The following OLA1 variants were observed in gnomAD, a reference collection of about 807,000 sequenced individuals.
OLA1 encodes obg-like ATPase 1.
A neutral mutation model predicts 48.4 loss-of-function variants in OLA1; 14 were observed. The observed-to-expected ratio is 0.29, with a 90% CI of 0.19 to 0.45. OLA1 has a LOEUF of 0.45. Ranked by LOEUF, OLA1 falls within the 20% of genes least tolerant of loss-of-function variation. OLA1 has a pLI of 1.00. For synonymous variants in OLA1, 127 were observed against 150.4 expected (o/e 0.84, Z 1.14); for missense variants, 325 against 467.1 (o/e 0.70, Z 2.80).
chr2:174,139,880 AGAAAG>A (rs769181697), intron 5 of OLA1, among the ~76,000 whole-genome samples: 4 of 134,468 alleles, frequency 3.0e-5, no homozygotes, highest in Admixed American at 1.6e-4. Flanking sequence ...AAAAAAAAAA[AGAAAG>A]AAAGAAAGAA....
intron 4 of OLA1, among the ~76,000 whole-genome samples, chr2:174,147,185 G>A (rs1311218852): frequency 6.6e-6 from 1 of 152,136 alleles, no homozygotes; most frequent in Non-Finnish European, 1.5e-5. Flanking sequence ...CCAGCACTTT[G>A]GGAGGCCGAG....
chr2:174,242,294 A>T (rs2083405), intron 2 of OLA1, among the ~76,000 whole-genome samples: 12,490 of 152,188 alleles, frequency 0.082, 1,670 homozygotes, highest in African/African-American at 0.28. Context: ...TTCGATTCTC[A>T]TAAGGAGCGT....
chr2:174,223,765 CAAAA>C (rs71021680), intron 3 of OLA1, among the ~76,000 whole-genome samples: 6,312 of 73,222 alleles, frequency 0.086, 50 homozygotes, highest in Middle Eastern at 0.17. Context: ...GTTATATAGA[CAAAA>C]AAAAAAAAAA....
intron 4 of OLA1, among the ~76,000 whole-genome samples, chr2:174,160,002 T>C (rs887841838): frequency 6.6e-6 from 1 of 152,120 alleles, no homozygotes; most frequent in Admixed American, 6.5e-5. Context: ...CTAACAAGTT[T>C]TACTTCATAG....
At chr2:174,188,747 A>G (rs910128826) in intron 4 of OLA1, among the ~76,000 whole-genome samples, 12 of 152,194 alleles carry the variant, frequency 7.9e-5, no homozygotes, top group African/African-American at 2.9e-4. Flanking sequence ...CTTTTGTTTC[A>G]TGCACAAAAT....
At chr2:174,156,268 CT>C (rs1424710749) in intron 4 of OLA1, among the ~76,000 whole-genome samples, 1 of 152,156 alleles carries the variant, frequency 6.6e-6, no homozygotes, top group African/African-American at 2.4e-5. Context: ...ATGGCACCCC[CT>C]GGCCTCTATA....
In OLA1 at chr2:174,202,385, G is replaced by A. The variant is rs188484460; in HGVS notation, c.373+20648C>T. On this transcript the variant is annotated intron_variant, in intron 4 of 10. Transcript: ENST00000284719. ...ATGAGCTTGAGTGTTGCGAGTATCCGCTTAAGACACTGTGAGACATTAATC... is the reference window on the plus strand; with the variant it reads ...ATGAGCTTGAGTGTTGCGAGTATCCACTTAAGACACTGTGAGACATTAATC... 5.3e-5 allele frequency among the ~76,000 whole-genome samples: 8 copies of A among 152,266 alleles called. No homozygotes were observed. The East Asian group carries it at 1.3e-3, about 26-fold the overall frequency.
rs750867648 is a variant in OLA1 at position 174,123,272 on chromosome 2, T to C, written c.636A>G (p.Glu212=). The part of the protein sequence containing the change: ...FYHDWNDKEI[E]VLNKHLFLTS... ...TCAAAAATAAGTGTTTATTCAACAC[T>C]TCAATCTAAAGTGGGAGATGGAGAA... The change falls in exon 7 of 11, where the codon GAA becomes GAG. Residue 212 remains glutamate, a synonymous_variant. Transcript: ENST00000284719. 3.4e-6 allele frequency: 5 copies of C among 1,486,548 alleles called. No individual in the cohort carries two copies. The highest frequency in any genetic ancestry group is 4.6e-6 in the Non-Finnish European group (5 of 1,081,530). 92.1% of individuals were successfully genotyped at this position (1,486,548 alleles called of 1,614,324 possible).
intron 2 of OLA1, among the ~76,000 whole-genome samples, chr2:174,239,008 T>C (rs1010885742): frequency 1.3e-5 from 2 of 152,194 alleles, no homozygotes; most frequent in Non-Finnish European, 2.9e-5. Context: ...TCTATACTGA[T>C]ATAAATAAAT....
intron 5 of OLA1, chr2:174,124,234 A>T (rs994951556): frequency 8.8e-5 from 2 of 22,852 alleles, no homozygotes; most frequent in South Asian, 3.2e-3. Flanking sequence ...CAACTCCCCC[A>T]CCCCCCGAAC....
At chr2:174,096,470 T>G (rs1463087476) in intron 7 of OLA1, among the ~76,000 whole-genome samples, 1 of 152,208 alleles carries the variant, frequency 6.6e-6, no homozygotes, top group African/African-American at 2.4e-5. Flanking sequence ...AGAGCTAATC[T>G]AAAGATTACA....
chr2:174,121,526 C>A (rs888668949), intron 7 of OLA1, among the ~76,000 whole-genome samples: 2 of 152,072 alleles, frequency 1.3e-5, no homozygotes, highest in Non-Finnish European at 1.5e-5. Context: ...AACCCTCCCC[C>A]CAAGACATAC....
chr2:174,123,909 C>A lies in OLA1; in HGVS notation c.550-234G>T, dbSNP rs144040940. On this transcript the variant is annotated intron_variant, in intron 5 of 10. Coordinates refer to ENST00000284719, the MANE Select transcript of OLA1 (RefSeq NM_013341.5). ...CAATATTAGCAAAAATTAGTAACAG[C>A]CTGAAAAATGTCAAGACAATTCAAT... 3.5e-3 allele frequency among the ~76,000 whole-genome samples: 533 copies of A among 152,028 alleles called. 4 individuals carry two copies. Among genetic ancestry groups the A allele is most frequent in the African/African-American group, 0.012 (497 of 41,488 alleles).
At chr2:174,228,954 G>A (rs1688670983) in intron 3 of OLA1, among the ~76,000 whole-genome samples, 1 of 152,142 alleles carries the variant, frequency 6.6e-6, no homozygotes, top group Admixed American at 6.5e-5. Flanking sequence ...TTGGCTCACT[G>A]CAACCTCCAC....
At chr2:174,132,977 T>C (rs1219138420) in intron 5 of OLA1, among the ~76,000 whole-genome samples, 3 of 152,224 alleles carry the variant, frequency 2.0e-5, no homozygotes, top group Non-Finnish European at 4.4e-5. Flanking sequence ...TGTCTTTCAA[T>C]CCTGCCACTT....
intron 4 of OLA1, among the ~76,000 whole-genome samples, chr2:174,149,480 T>C (rs1161775503): frequency 1.3e-5 from 2 of 152,174 alleles, no homozygotes; most frequent in African/African-American, 4.8e-5. Flanking sequence ...CAGTATCAAA[T>C]GAAATAAACC....
At chr2:174,094,215 CAG>C (rs1685192429) in intron 7 of OLA1, among the ~76,000 whole-genome samples, 1 of 152,048 alleles carries the variant, frequency 6.6e-6, no homozygotes, top group Admixed American at 6.5e-5. Context: ...TAAACTGAGA[CAG>C]AAATATATTT....
chr2:174,221,734 G>A (rs543724402), intron 4 of OLA1, among the ~76,000 whole-genome samples: 9 of 152,070 alleles, frequency 5.9e-5, no homozygotes, highest in East Asian at 1.9e-4. Context: ...TGTGTTTAAC[G>A]TTTCAACAAA....
intron 4 of OLA1, among the ~76,000 whole-genome samples, chr2:174,183,080 A>T (rs150577067): frequency 6.6e-6 from 1 of 152,308 alleles, no homozygotes; most frequent in East Asian, 1.9e-4. Context: ...CCAGTATCAC[A>T]TCTTTAATAA....
Sources: allele counts gnomAD v4.1 joint callset (sites outside exome capture counted in the v4.1 genomes callset), GRCh38; gene constraint gnomAD v4.1.1; transcripts MANE v1.5; gene names NCBI Gene and HGNC (gene_info 2026-07-23, HGNC 2026-07-21).